CHRNG: variants seen among roughly 807,000 people sequenced by gnomAD.
CHRNG encodes cholinergic receptor nicotinic gamma subunit.
Under a neutral mutation model 65.2 loss-of-function variants are expected in CHRNG, and 72 were observed. The observed-to-expected ratio is 1.10, with a 90% CI of 0.91 to 1.34. The LOEUF (loss-of-function observed/expected upper bound fraction) is 1.34, where lower values mean the gene tolerates loss of function less well. Ranked by LOEUF, CHRNG falls within the 40% of genes most tolerant of loss-of-function variation. The probability of loss-of-function intolerance (pLI) is 0.00; values close to 1 mark genes in which losing one functional copy is unlikely to be tolerated. For synonymous variants in CHRNG, 284 were observed against 290.2 expected (o/e 0.98, Z 0.22); for missense variants, 637 against 680.1 (o/e 0.94, Z 0.70).
Position 232,547,889 on chromosome 2 carries a change from C to T in CHRNG, c.*2173C>T, listed in dbSNP as rs893834449. On this transcript the variant is annotated 3_prime_UTR_variant, in exon 12 of 12. Coordinates refer to ENST00000651502, the MANE Select transcript of CHRNG (RefSeq NM_005199.5). ...CTGTCTCATGGGATCCATACAGCAA[C>T]CTAAGGAGGTAGGTCGAGGCATACC... The T allele has an allele frequency of 4.9e-5, 20 of 406,598 alleles. 1 individual carries two copies. Among genetic ancestry groups the T allele is most frequent in the South Asian group, 9.0e-5 (1 of 11,144 alleles). The allele number at this position is 406,598 out of a possible 1,614,324, so 25.2% of individuals were successfully genotyped here.
rs1003728724 is a variant in CHRNG at position 232,547,948 on chromosome 2, A to G, written c.*2232A>G. 6 of 453,878 alleles carry G rather than the reference A, an allele frequency of 1.3e-5. No homozygotes were observed. Among genetic ancestry groups the G allele is most frequent in the Non-Finnish European group, 2.3e-5 (6 of 260,674 alleles). 28.1% of individuals were successfully genotyped at this position (453,878 alleles called of 1,614,324 possible). On this transcript the variant is annotated 3_prime_UTR_variant, in exon 12 of 12. Transcript: ENST00000651502. ...ATTGCAGGTTCAGTTCCAGACCAAC[A>G]CAAGAAAGCAAGTCACATGAATGTT...
intron 5 of CHRNG, among the ~76,000 whole-genome samples, 180 bp from the exon 6 acceptor site, chr2:232,542,243 A>G (rs1201539333): frequency 6.6e-6 from 1 of 152,168 alleles, no homozygotes; most frequent in Admixed American, 6.5e-5. Flanking sequence ...CTGACCCCAA[A>G]GAGCCCTAGG....
rs57021172 is a variant in CHRNG, at chr2:232,546,308, CTTTTTTTTTTTT to C, written c.*601_*612del. On this transcript the variant is annotated 3_prime_UTR_variant, in exon 12 of 12. Coordinates refer to ENST00000651502, the MANE Select transcript of CHRNG (RefSeq NM_005199.5). ...ACGATTTCCTGAGTTTTGTAATCCT[CTTTTTTTTTTTT>C]TTTTTTTTAGTTTTTGATGTGTTGT... 1.1e-5 allele frequency: 1 copy of C among 94,708 alleles called. No individual in the cohort carries two copies. The highest frequency in any genetic ancestry group is 2.2e-5 in the Non-Finnish European group (1 of 44,968). 5.9% of individuals were successfully genotyped at this position (94,708 alleles called of 1,614,324 possible).
In CHRNG at chr2:232,544,675, T is replaced by C. The variant is rs1379499338; in HGVS notation, c.1249+95T>C. The C allele has an allele frequency of 3.2e-6, 5 of 1,573,036 alleles. No individual in the cohort carries two copies. The African/African-American group carries it at 6.7e-5, about 21-fold the overall frequency. ...GATGAGTGCTGGAGAAGTGCCCAGG[T>C]CAGGGAGAGAGGAGCTGGGGTCCCT... On this transcript the variant is annotated intron_variant, in intron 10 of 11. Transcript: ENST00000651502.
In CHRNG at chr2:232,542,936, C is replaced by A; in HGVS notation, c.659C>A (p.Ala220Glu). 1.2e-6 allele frequency: 2 copies of A among 1,614,086 alleles called. No individual in the cohort carries two copies. Among genetic ancestry groups the A allele is most frequent in the South Asian group, 1.1e-5 (1 of 91,084 alleles). The change falls in exon 7 of 12, where the codon GCG (alanine) becomes GAG (glutamate). Residue 220 changes from alanine to glutamate, a missense_variant. Ala to Glu is a moderately radical substitution (Grantham distance 107, BLOSUM62 -1). Transcript: ENST00000651502. The part of the protein sequence containing the change: ...HRPAKMLLDP[A>E]APAQEAGHQK... ...CCAGCCAAGATGCTCCTGGACCCAGCGGCGCCAGCCCAGGAAGCAGGCCAC... is the reference window on the plus strand; with the variant it reads ...CCAGCCAAGATGCTCCTGGACCCAGAGGCGCCAGCCCAGGAAGCAGGCCAC...
At position 232,542,451 on chromosome 2, in the gene CHRNG, G is replaced by C. The variant is rs1472242959; in HGVS notation, c.535G>C (p.Asp179His). ...QSQTYSTNEI[D>H]LQLSQEDGQT... is the part of the protein sequence containing the mutation. Reference sequence around the variant, plus strand: ...CCAGACTTACAGCACCAATGAGATTGATCTGCAGCTGAGTCAGGAAGATGG... The same window carrying C: ...CCAGACTTACAGCACCAATGAGATTCATCTGCAGCTGAGTCAGGAAGATGG... Residue 179 changes from aspartate to histidine, a missense_variant, in exon 6 of 12, where the codon GAT becomes CAT. Transcript: ENST00000651502. 1 of 1,613,906 alleles carries C rather than the reference G, an allele frequency of 6.2e-7. No homozygotes were observed. Among genetic ancestry groups the C allele is most frequent in the South Asian group, 1.1e-5 (1 of 91,048 alleles).
chr2:232,542,567 T>C (rs1279939820), intron 6 of CHRNG, 47 bp downstream of exon 6: 1 of 1,318,502 alleles, frequency 7.6e-7, no homozygotes, highest in South Asian at 1.2e-5. Context: ...CCAGGGCTCC[T>C]GCTGGACCCA....
chr2:232,542,410 C>T lies in CHRNG; in HGVS notation c.507-13C>T, dbSNP rs2853462. ...CCCGCTCACATTTAGCCTCTTTCCT[C>T]GGTGACTCCCAGGTCCCAGACTTAC... On this transcript the variant is annotated splice_polypyrimidine_tract_variant and intron_variant, in intron 5 of 11. Coordinates refer to ENST00000651502, the MANE Select transcript of CHRNG (RefSeq NM_005199.5). The T allele has an allele frequency of 0.23, 367,148 of 1,595,044 alleles. 44,308 individuals carry two copies. Among genetic ancestry groups the T allele is most frequent in the East Asian group, 0.27 (12,184 of 44,720 alleles).
intron 8 of CHRNG, 66 bp downstream of exon 8, chr2:232,543,455 TG>T: frequency 7.6e-7 from 1 of 1,317,788 alleles, no homozygotes; most frequent in South Asian, 1.2e-5. Flanking sequence ...GATGGCCTCC[TG>T]CATTGCCCTC....
Position 232,540,823 on chromosome 2 carries a change from C to A in CHRNG, c.350+112C>A. Reference sequence around the variant, plus strand: ...AGATGAGCAGAGGGTGCAAATCGGGCACCTGTGGGGCTAGGGAAGAACTGG... The same window carrying A: ...AGATGAGCAGAGGGTGCAAATCGGGAACCTGTGGGGCTAGGGAAGAACTGG... On this transcript the variant is annotated intron_variant, in intron 4 of 11. Transcript: ENST00000651502. The surrounding 1 kb of genome is among the most constrained non-coding windows in gnomAD (Gnocchi z 4.2). 1 of 1,001,236 alleles carries A rather than the reference C, an allele frequency of 1.0e-6. No homozygotes were observed. Among genetic ancestry groups the A allele is most frequent in the Non-Finnish European group, 1.5e-6 (1 of 662,604 alleles). 62.0% of individuals were successfully genotyped at this position (1,001,236 alleles called of 1,614,324 possible). A position where few individuals can be genotyped will look rare whatever the true frequency, so the allele number is the denominator to read the frequency against.
chr2:232,540,292 T>C lies in CHRNG; in HGVS notation c.196-89T>C, dbSNP rs1163703276. Reference sequence around the variant, plus strand: ...TGTGGGGGGAGTACTATCAAGAGGCTGGGGGATGCTTGGCCCCATTGGTGG... The same window carrying C: ...TGTGGGGGGAGTACTATCAAGAGGCCGGGGGATGCTTGGCCCCATTGGTGG... On this transcript the variant is annotated intron_variant, in intron 2 of 11. Coordinates refer to ENST00000651502, the MANE Select transcript of CHRNG (RefSeq NM_005199.5). This position sits in a 1 kb window ranked among gnomAD's most constrained non-coding sequence, Gnocchi z 4.2. 1.6e-5 allele frequency: 26 copies of C among 1,601,966 alleles called. No individual in the cohort carries two copies. The East Asian group carries it at 5.6e-4, about 34-fold the overall frequency.
In CHRNG at chr2:232,542,540, TC is replaced by T. The variant is rs758978775; in HGVS notation, c.604+24del. ...TCACAGGTAACCCCCACCCAAGGGC[TC>T]CCCAGGCAGCCTCATCCAGGGCTCC... On this transcript the variant is annotated intron_variant, in intron 6 of 11. Coordinates refer to ENST00000651502, the MANE Select transcript of CHRNG (RefSeq NM_005199.5). 7 of 1,561,888 alleles carry T rather than the reference TC, an allele frequency of 4.5e-6. No homozygotes were observed. The highest frequency in any genetic ancestry group is 4.5e-5 in the South Asian group (4 of 89,484).
In CHRNG at chr2:232,543,626, T is replaced by C. The variant is rs746007534; in HGVS notation, c.962T>C (p.Val321Ala). The C allele has an allele frequency of 1.2e-6, 2 of 1,613,954 alleles. No individual in the cohort carries two copies. Among genetic ancestry groups the C allele is most frequent in the Admixed American group, 3.3e-5 (2 of 60,022 alleles). The change falls in exon 9 of 12, where the codon GTG (valine) becomes GCG (alanine). Residue 321 changes from valine (V) to alanine (A), a missense_variant. By Grantham distance (64) the Val-to-Ala change is moderately conservative. Coordinates refer to ENST00000651502, the MANE Select transcript of CHRNG (RefSeq NM_005199.5). Reference sequence around the variant, plus strand: ...CTGGTGGTGACCATCCTCATTGTCGTGAATGCTGTGGTTGTGCTCAATGTC... The same window carrying C: ...CTGGTGGTGACCATCCTCATTGTCGCGAATGCTGTGGTTGTGCTCAATGTC... ...FLLVVTILIVVNAVVVLNVSL... is the reference protein window; with the variant it reads ...FLLVVTILIVANAVVVLNVSL...
chr2:232,545,512 T>C (rs746328706), intron 11 of CHRNG, 31 bp from the exon 12 acceptor site: 9 of 1,607,412 alleles, frequency 5.6e-6, no homozygotes, highest in Non-Finnish European at 7.6e-6. Context: ...GTGCCGCCGC[T>C]GGTTATCCCA....
chr2:232,544,065 C>T (rs559723111), intron 9 of CHRNG, among the ~76,000 whole-genome samples: 32 of 152,310 alleles, frequency 2.1e-4, no homozygotes, highest in Non-Finnish European at 1.8e-4. Flanking sequence ...CCACCTGCAG[C>T]CTTCAGCTTG....
Position 232,545,830 on chromosome 2 carries a change from GGACTGTGTGA to G in CHRNG, c.*116_*125del. ...TGTGCTCTTTGGGAAGTGCCCTTCA[GGACTGTGTGA>G]GCCAAACAGCCCTGAGAAAAGCTGG... On this transcript the variant is annotated 3_prime_UTR_variant, in exon 12 of 12. Transcript: ENST00000651502. 2 of 1,235,836 alleles carry G rather than the reference GGACTGTGTGA, an allele frequency of 1.6e-6. No individual in the cohort carries two copies. Among genetic ancestry groups the G allele is most frequent in the South Asian group, 2.4e-5 (2 of 81,992 alleles). The allele number at this position is 1,235,836 out of a possible 1,614,324, so 76.6% of individuals were successfully genotyped here.
Position 232,540,724 on chromosome 2 carries a change from T to C in CHRNG, c.350+13T>C. 1 of 1,601,110 alleles carries C rather than the reference T, an allele frequency of 6.2e-7. No homozygotes were observed. Among genetic ancestry groups the C allele is most frequent in the East Asian group, 2.2e-5 (1 of 44,626 alleles). ...TGCTGGAGAACAAGTGAGGAGGGGGTGCAGGCAGGGGTGTGGGGGACAAAG... is the reference window on the plus strand; with the variant it reads ...TGCTGGAGAACAAGTGAGGAGGGGGCGCAGGCAGGGGTGTGGGGGACAAAG... On this transcript the variant is annotated intron_variant, in intron 4 of 11. Coordinates refer to ENST00000651502, the MANE Select transcript of CHRNG (RefSeq NM_005199.5). The surrounding 1 kb of genome is among the most constrained non-coding windows in gnomAD (Gnocchi z 4.2).
rs375087506 is a variant in CHRNG, at chr2:232,544,515, G to A, written c.1184G>A (p.Arg395His). ...TGEEVALCLP[R>H]SELLFQQWQR... ...GAGGAGGTGGCCCTCTGCCTGCCTC[G>A]CAGTGAACTCCTCTTCCAGCAGTGG... The change falls in exon 10 of 12, where the codon CGC (arginine) becomes CAC (histidine). Residue 395 changes from arginine to histidine, a missense_variant. Physicochemically the swap from Arg to His is conservative, Grantham distance 29. Transcript: ENST00000651502. 1.9e-5 allele frequency: 30 copies of A among 1,613,704 alleles called. No homozygotes were observed. The highest frequency in any genetic ancestry group is 6.7e-5 in the African/African-American group (5 of 74,912).
In CHRNG at chr2:232,546,864, G is replaced by C. The variant is rs757020900; in HGVS notation, c.*1148G>C. 6.6e-6 allele frequency among the ~76,000 whole-genome samples: 1 copy of C among 152,170 alleles called. No homozygotes were observed. The highest frequency in any genetic ancestry group is 1.5e-5 in the Non-Finnish European group (1 of 68,040). On this transcript the variant is annotated 3_prime_UTR_variant, in exon 12 of 12. Coordinates refer to ENST00000651502, the MANE Select transcript of CHRNG (RefSeq NM_005199.5). ...CAAAGGATGGTTAAGACAAGGAAGA[G>C]CTAGGCAAGAGGAGGTGTGGAGTTA...
Sources: gnomAD v4.1 joint callset for allele counts (sites outside exome capture counted in the v4.1 genomes callset) on GRCh38, gnomAD v4.1.1 for gene constraint, Gnocchi (gnomAD v3.1) non-coding constraint, MANE v1.5 for transcripts, NCBI Gene and HGNC (gene_info 2026-07-23, HGNC 2026-07-21) for gene names.